PVT1: variants seen among roughly 807,000 people sequenced by gnomAD.
PVT1 encodes the protein CXCR4/PVT1 fusion.
At chr8:127,848,034 G>T (rs1815055454) in intron 2 of PVT1, among the ~76,000 whole-genome samples, 1 of 152,116 alleles carries the variant, frequency 6.6e-6, no homozygotes, top group African/African-American at 2.4e-5. Context: ...GGTATCATTT[G>T]AATTTTGAAG....
At chr8:127,986,731 C>A (rs2129991610) in intron 3 of PVT1, among the ~76,000 whole-genome samples, 1 of 152,332 alleles carries the variant, frequency 6.6e-6, no homozygotes, top group Non-Finnish European at 1.5e-5. Flanking sequence ...TTGCACCGGG[C>A]TCTAAACACC....
At chr8:127,897,975 GAAGAAAGAAGGA>G (rs1418388070) in intron 3 of PVT1, among the ~76,000 whole-genome samples, 1 of 144,086 alleles carries the variant, frequency 6.9e-6, no homozygotes, top group Non-Finnish European at 1.5e-5. Context: ...AGGAAGGAAG[GAAGAAAGAAGGA>G]AAGAAAGAAG....
At chr8:127,957,566 C>CAA (rs56796489) in intron 3 of PVT1, among the ~76,000 whole-genome samples, 1,893 of 91,424 alleles carry the variant, frequency 0.021, 53 homozygotes, top group South Asian at 0.07. Flanking sequence ...GACTCCGTCT[C>CAA]AAAAAAAAAA....
chr8:127,869,797 G>C (rs1368603901), intron 2 of PVT1, among the ~76,000 whole-genome samples: 1 of 151,970 alleles, frequency 6.6e-6, no homozygotes, highest in African/African-American at 2.4e-5. Context: ...TTTGGACATA[G>C]GGTTTTTGTT....
intron 4 of PVT1, among the ~76,000 whole-genome samples, chr8:128,055,562 C>A (rs1316654208): frequency 6.6e-6 from 1 of 152,208 alleles, no homozygotes; most frequent in Admixed American, 6.5e-5. Context: ...TGAATCAGTT[C>A]TCTATTTGCT....
intron 4 of PVT1, among the ~76,000 whole-genome samples, chr8:128,033,651 GCTGGGGC>G (rs1335599770): frequency 2.6e-5 from 4 of 152,182 alleles, no homozygotes; most frequent in Admixed American, 6.5e-5. Context: ...TAGTGTGCAG[GCTGGGGC>G]CTCACCAGTT....
intron 4 of PVT1, among the ~76,000 whole-genome samples, chr8:128,021,289 G>GTTT (rs1332480547): frequency 1.8e-5 from 1 of 54,878 alleles, no homozygotes; most frequent in Non-Finnish European, 3.9e-5. Context: ...CAGGACTTGT[G>GTTT]CTTTTTTTTT....
intron 2 of PVT1, among the ~76,000 whole-genome samples, chr8:127,888,676 C>T (rs1408910118): frequency 2.0e-5 from 3 of 152,068 alleles, no homozygotes; most frequent in East Asian, 1.9e-4. Flanking sequence ...TCAGAGATGC[C>T]TTGGTGTTGT....
At chr8:127,973,541 C>T (rs979414220) in intron 3 of PVT1, among the ~76,000 whole-genome samples, 8 of 152,126 alleles carry the variant, frequency 5.3e-5, no homozygotes, top group Non-Finnish European at 8.8e-5. Flanking sequence ...GCCACCCCTG[C>T]TTGGACTTTC....
intron 5 of PVT1, among the ~76,000 whole-genome samples, chr8:128,073,659 C>T (rs188710305): frequency 1.3e-5 from 2 of 152,170 alleles, no homozygotes; most frequent in African/African-American, 2.4e-5. Context: ...CCCATTTCAA[C>T]TTGTGAGGAA....
At chr8:127,845,773 G>C (rs111850033) in intron 2 of PVT1, among the ~76,000 whole-genome samples, 42 of 152,222 alleles carry the variant, frequency 2.8e-4, no homozygotes, top group African/African-American at 9.9e-4. Context: ...GATAATTGCA[G>C]AACAGAGTGT....
chr8:127,843,512 G>A (rs1214295047), intron 2 of PVT1, among the ~76,000 whole-genome samples: 2 of 151,896 alleles, frequency 1.3e-5, no homozygotes, highest in South Asian at 2.1e-4. Flanking sequence ...GCGCGGTCTC[G>A]GCTCACTGTA....
At chr8:127,992,429 G>A (rs1203186473) in intron 4 of PVT1, among the ~76,000 whole-genome samples, 1 of 152,096 alleles carries the variant, frequency 6.6e-6, no homozygotes, top group African/African-American at 2.4e-5. Flanking sequence ...TTAAAGACAG[G>A]GTCTTAGCTA....
At chr8:128,095,030 C>A (rs976667918) in intron 5 of PVT1, among the ~76,000 whole-genome samples, 8 of 152,244 alleles carry the variant, frequency 5.3e-5, no homozygotes, top group Non-Finnish European at 7.3e-5. Context: ...ACAGCGTCCA[C>A]TGCATCTTTT....
chr8:127,819,911 TCTATCGAGTCTCATCTGGCAG>T lies in PVT1; in HGVS notation n.372+23843_372+23863del, dbSNP rs1467087496. Among the ~76,000 whole-genome samples, 9 of 152,316 alleles carry T rather than the reference TCTATCGAGTCTCATCTGGCAG, an allele frequency of 5.9e-5. 1 individual carries two copies. In the East Asian group the frequency reaches 1.7e-3, roughly 29 times the overall value. On this transcript the variant is annotated intron_variant and non_coding_transcript_variant, in intron 2 of 10. Transcript: ENST00000651587. ...TGTCTCTTTCTTTTGCACCACAGAT[TCTATCGAGTCTCATCTGGCAG>T]CTTCAAGGATCATCCGCATTCTTTC...
chr8:128,097,796 T>A (rs1376845995), intron 6 of PVT1, among the ~76,000 whole-genome samples: 1 of 152,212 alleles, frequency 6.6e-6, no homozygotes, highest in Non-Finnish European at 1.5e-5. Flanking sequence ...CTAGCTGCAC[T>A]CTGGGCCTTC....
At chr8:127,807,699 A>T (rs1814542679) in intron 2 of PVT1, among the ~76,000 whole-genome samples, 1 of 152,240 alleles carries the variant, frequency 6.6e-6, no homozygotes, top group Non-Finnish European at 1.5e-5. Context: ...GTAGAAAAGA[A>T]AAAAAGTTTG....
intron 4 of PVT1, among the ~76,000 whole-genome samples, chr8:128,062,601 TATC>T (rs1447352470): frequency 1.3e-5 from 2 of 152,216 alleles, no homozygotes; most frequent in African/African-American, 2.4e-5. Flanking sequence ...TCTAAAATAG[TATC>T]ATGTCATTTG....
At chr8:128,022,583 T>C (rs1023387525) in intron 4 of PVT1, among the ~76,000 whole-genome samples, 8 of 152,226 alleles carry the variant, frequency 5.3e-5, no homozygotes, top group African/African-American at 1.9e-4. Flanking sequence ...ACTCTTGGCC[T>C]TCCAAGTTCT....
Sources: allele counts gnomAD v4.1 joint callset (sites outside exome capture counted in the v4.1 genomes callset), GRCh38; gene constraint gnomAD v4.1.1; transcripts MANE v1.5; gene names NCBI Gene and HGNC (gene_info 2026-07-23, HGNC 2026-07-21).